The following ERCC6L2 variants were observed in gnomAD, a reference collection of about 807,000 sequenced individuals.
The protein encoded by ERCC6L2 is DNA excision repair protein ERCC-6-like 2.
A neutral mutation model predicts 132.0 loss-of-function variants in ERCC6L2; 77 were observed. The observed-to-expected ratio is 0.58, with a 90% CI of 0.49 to 0.71. The LOEUF (loss-of-function observed/expected upper bound fraction) is 0.71, where lower values mean the gene tolerates loss of function less well. ERCC6L2 is among the 30% of genes least tolerant of loss of function. The probability of loss-of-function intolerance (pLI) is 0.00; values close to 1 mark genes in which losing one functional copy is unlikely to be tolerated. For missense variants in ERCC6L2, 1,542 were observed against 1,837.6 expected, an observed-to-expected ratio of 0.84 and a Z score of 2.94; for synonymous variants, 583 against 632.4, an observed-to-expected ratio of 0.92 and a Z score of 1.17.
chr9:95,957,374 G>A (rs569855847), intron 13 of ERCC6L2, among the ~76,000 whole-genome samples: 1 of 144,904 alleles, frequency 6.9e-6, no homozygotes, highest in Non-Finnish European at 1.5e-5. Context: ...TTTTTGTTTT[G>A]TCTTAAAGCT....
chr9:95,941,673 A>G (rs910498559), intron 12 of ERCC6L2, 124 bp downstream of exon 12: 13 of 686,378 alleles, frequency 1.9e-5, no homozygotes, highest in Non-Finnish European at 2.9e-5. Context: ...GTAAAAACGT[A>G]CATTTAATAT....
Position 95,972,834 on chromosome 9 carries a change from C to T in ERCC6L2, c.3083C>T (p.Ala1028Val). 1 of 1,304,976 alleles carries T rather than the reference C, an allele frequency of 7.7e-7. No homozygotes were observed. The highest frequency in any genetic ancestry group is 1.0e-6 in the Non-Finnish European group (1 of 988,906). The allele number at this position is 1,304,976 out of a possible 1,614,324, so 80.8% of individuals were successfully genotyped here. Reference sequence around the variant, plus strand: ...ATGAACAAAACAAACCAAGTGTATGCAGCAAATGAGGATCATAACTCTCAG... The same window carrying T: ...ATGAACAAAACAAACCAAGTGTATGTAGCAAATGAGGATCATAACTCTCAG... Reference protein sequence around the residue: ...KTMNKTNQVYAANEDHNSQFI... With the variant: ...KTMNKTNQVYVANEDHNSQFI... The change falls in exon 16 of 19, where the codon GCA becomes GTA. Residue 1028 changes from alanine (A) to valine (V), a missense_variant. Physicochemically the swap from Ala to Val is moderately conservative, Grantham distance 64. Coordinates refer to ENST00000653738, the MANE Select transcript of ERCC6L2 (RefSeq NM_020207.7).
chr9:95,925,224 T>C (rs1830049454), intron 9 of ERCC6L2, among the ~76,000 whole-genome samples: 1 of 152,208 alleles, frequency 6.6e-6, no homozygotes. Flanking sequence ...TGACCTCAAC[T>C]ATCATTCAAG....
chr9:96,005,140 C>T (rs1214111126), intron 18 of ERCC6L2, among the ~76,000 whole-genome samples: 3 of 152,022 alleles, frequency 2.0e-5, no homozygotes, highest in South Asian at 4.2e-4. Flanking sequence ...GGTGAAACCC[C>T]GTCTCTACTA....
chr9:96,035,064 C>T (rs760273071), intron 19 of ERCC6L2, among the ~76,000 whole-genome samples: 1 of 152,180 alleles, frequency 6.6e-6, no homozygotes, highest in Non-Finnish European at 1.5e-5. Flanking sequence ...TCCTCTACCA[C>T]ACCCCCCATC....
At chr9:95,957,472 C>G (rs552422347) in intron 13 of ERCC6L2, among the ~76,000 whole-genome samples, 19 of 148,984 alleles carry the variant, frequency 1.3e-4, no homozygotes, top group Admixed American at 9.4e-4. Flanking sequence ...ACCTATTTAA[C>G]CAACCTTGGG....
intron 2 of ERCC6L2, 21 bp downstream of exon 2, chr9:95,881,314 A>G: frequency 6.6e-7 from 1 of 1,523,338 alleles, no homozygotes; most frequent in South Asian, 1.3e-5. Context: ...ATGTTATAAC[A>G]GTAAAGTCAC....
At chr9:95,942,399 TAAGAA>T (rs1247543729) in intron 12 of ERCC6L2, among the ~76,000 whole-genome samples, 2 of 151,456 alleles carry the variant, frequency 1.3e-5, no homozygotes, top group Non-Finnish European at 2.9e-5. Context: ...GGGAATAAAA[TAAGAA>T]TAGGATGCCA....
chr9:95,934,387 T>G (rs1426962293), intron 11 of ERCC6L2, among the ~76,000 whole-genome samples: 2 of 150,694 alleles, frequency 1.3e-5, no homozygotes, highest in African/African-American at 4.9e-5. Context: ...AAGTTTCCTT[T>G]AGAAATTTTA....
intron 13 of ERCC6L2, among the ~76,000 whole-genome samples, chr9:95,964,884 A>G (rs1263520413): frequency 6.6e-6 from 1 of 152,184 alleles, no homozygotes; most frequent in Non-Finnish European, 1.5e-5. Flanking sequence ...AAATTTTGTA[A>G]TAAAACTTTG....
chr9:95,957,899 T>C (rs570749129), intron 13 of ERCC6L2, among the ~76,000 whole-genome samples: 2 of 152,102 alleles, frequency 1.3e-5, no homozygotes, highest in South Asian at 4.2e-4. Context: ...AATTATACTT[T>C]AAGTTTTGGG....
intron 2 of ERCC6L2, among the ~76,000 whole-genome samples, chr9:95,886,922 C>T (rs1827900488): frequency 6.6e-6 from 1 of 152,218 alleles, no homozygotes; most frequent in African/African-American, 2.4e-5. Context: ...TCCCAGCCTG[C>T]ATCTTTCTCC....
intron 11 of ERCC6L2, among the ~76,000 whole-genome samples, chr9:95,932,424 T>A (rs1830382317): frequency 2.6e-5 from 4 of 152,192 alleles, no homozygotes; most frequent in Admixed American, 2.6e-4. Flanking sequence ...GGAGTTACCT[T>A]TTGTTTTAGA....
At chr9:95,921,654 T>G (rs559255260) in intron 7 of ERCC6L2, among the ~76,000 whole-genome samples, 5 of 152,326 alleles carry the variant, frequency 3.3e-5, no homozygotes, top group East Asian at 3.9e-4. Context: ...GAACATACTC[T>G]TGTATAGGAG....
chr9:95,979,547 A>C (rs1266936561), intron 17 of ERCC6L2, among the ~76,000 whole-genome samples: 2 of 152,210 alleles, frequency 1.3e-5, no homozygotes, highest in African/African-American at 2.4e-5. Flanking sequence ...GTGAAGAGTC[A>C]GTTGTCTTAT....
rs1186229732 is a variant in ERCC6L2, at chr9:95,972,943, T to C, written c.3192T>C (p.Thr1064=). Residue 1064 remains threonine, a synonymous_variant, in exon 16 of 19, where the codon ACT becomes ACC. Coordinates refer to ENST00000653738, the MANE Select transcript of ERCC6L2 (RefSeq NM_020207.7). ...CTAAACAGAGCCACAGACCAAGAAC[T>C]ATAAGAGACAGAACTAGTTTTTCTT... ...SFSKQSHRPR[T]IRDRTSFSSK... is the part of the protein sequence containing the mutation. The C allele has an allele frequency of 7.6e-7, 1 of 1,310,738 alleles. No homozygotes were observed. The highest frequency in any genetic ancestry group is 1.0e-6 in the Non-Finnish European group (1 of 991,682). The allele number at this position is 1,310,738 out of a possible 1,614,324, so 81.2% of individuals were successfully genotyped here.
chr9:95,944,541 T>G (rs753445571), intron 12 of ERCC6L2, among the ~76,000 whole-genome samples: 5 of 152,170 alleles, frequency 3.3e-5, no homozygotes, highest in Non-Finnish European at 7.4e-5. Context: ...TTGCCACAAT[T>G]AATTTTAAAA....
intron 9 of ERCC6L2, among the ~76,000 whole-genome samples, chr9:95,926,017 C>G (rs778865219): frequency 5.3e-5 from 8 of 152,048 alleles, no homozygotes; most frequent in Non-Finnish European, 8.8e-5. Context: ...TAAAGAATTG[C>G]AAATTAAAAC....
intron 6 of ERCC6L2, 69 bp downstream of exon 6, chr9:95,916,503 C>T: frequency 7.8e-7 from 1 of 1,279,138 alleles, no homozygotes; most frequent in Non-Finnish European, 1.0e-6. Flanking sequence ...AAGAAAAAGT[C>T]TGTCTCCTGT....
Sources: gnomAD v4.1 joint callset for allele counts (sites outside exome capture counted in the v4.1 genomes callset) on GRCh38, gnomAD v4.1.1 for gene constraint, MANE v1.5 for transcripts, NCBI Gene and HGNC (gene_info 2026-07-23, HGNC 2026-07-21) for gene names.